The following ATP10B variants were observed in gnomAD, a reference collection of about 807,000 sequenced individuals.
ATP10B encodes ATPase phospholipid transporting 10B (putative).
Under a neutral mutation model 141.2 loss-of-function variants are expected in ATP10B, and 122 were observed. The observed-to-expected ratio is 0.86, with a 90% CI of 0.75 to 1.00. The LOEUF (loss-of-function observed/expected upper bound fraction) is 1.00, where lower values mean the gene tolerates loss of function less well. Ranked by LOEUF, ATP10B falls within the 50% of genes least tolerant of loss-of-function variation. The pLI, the probability that ATP10B is intolerant of heterozygous loss-of-function variation, is 0.00. For synonymous variants in ATP10B, 685 were observed against 692.0 expected (o/e 0.99, Z 0.16); for missense variants, 1,876 against 1,825.3 (o/e 1.03, Z -0.51).
chr5:160,632,012 G>A (rs778523071), intron 13 of ATP10B, 117 bp downstream of exon 13: 81 of 874,588 alleles, frequency 9.3e-5, no homozygotes, highest in Non-Finnish European at 1.3e-4. Context: ...CAAAACCAAG[G>A]GCACCATTTT....
At chr5:160,845,586 GTTT>G (rs1461461263) in intron 1 of ATP10B, among the ~76,000 whole-genome samples, 1 of 152,016 alleles carries the variant, frequency 6.6e-6, no homozygotes. Context: ...TGAACAAAAA[GTTT>G]TTTTAAAAAA....
At chr5:160,570,904 A>G (rs1754836688) in intron 24 of ATP10B, among the ~76,000 whole-genome samples, 1 of 152,184 alleles carries the variant, frequency 6.6e-6, no homozygotes, top group African/African-American at 2.4e-5. Context: ...ATGGCATTCC[A>G]CTGTCTTCTG....
At position 160,637,013 on chromosome 5, in the gene ATP10B, C is replaced by T. The variant is rs1197376250; in HGVS notation, c.1001-704G>A. Among the ~76,000 whole-genome samples, 7 of 75,784 alleles carry T rather than the reference C, an allele frequency of 9.2e-5. No homozygotes were observed. The East Asian group carries it at 2.8e-3, about 30-fold the overall frequency. The allele number at this position is 75,784 out of a possible 152,430, so 49.7% of individuals were successfully genotyped here. ...CCACCCACCCATCCATCAATCCATCCATCTATCCATCCATCCATCCATCCA... is the reference window on the plus strand; with the variant it reads ...CCACCCACCCATCCATCAATCCATCTATCTATCCATCCATCCATCCATCCA... On this transcript the variant is annotated intron_variant, in intron 10 of 25. Coordinates refer to ENST00000327245, the MANE Select transcript of ATP10B (RefSeq NM_025153.3).
At chr5:160,787,124 A>ACACCC (rs556039954) in intron 1 of ATP10B, among the ~76,000 whole-genome samples, 10 of 148,294 alleles carry the variant, frequency 6.7e-5, no homozygotes, top group Admixed American at 2.7e-4. Flanking sequence ...ACACACACAC[A>ACACCC]CACACACACA....
chr5:160,904,186 CT>C, the ATP10B span, among the ~76,000 whole-genome samples: 1 of 151,924 alleles, frequency 6.6e-6, no homozygotes, highest in African/African-American at 2.4e-5. Flanking sequence ...TTAAAGGGGG[CT>C]TACATTCAGA....
intron 1 of ATP10B, among the ~76,000 whole-genome samples, chr5:160,818,768 G>C (rs1340417342): frequency 6.6e-6 from 1 of 152,298 alleles, no homozygotes; most frequent in Non-Finnish European, 1.5e-5. Context: ...AACAATGATA[G>C]ACTGGATTAA....
intron 3 of ATP10B, among the ~76,000 whole-genome samples, chr5:160,708,095 T>C (rs1765124672): frequency 6.6e-6 from 1 of 152,190 alleles, no homozygotes; most frequent in Non-Finnish European, 1.5e-5. Context: ...TTGCTTTTTA[T>C]ATGCCCGTCT....
chr5:160,687,664 C>T, intron 5 of ATP10B, 136 bp downstream of exon 5: 1 of 1,036,564 alleles, frequency 9.6e-7, no homozygotes, highest in Non-Finnish European at 1.4e-6. Flanking sequence ...ATTTGGGAGG[C>T]TGAGGTGGGA....
In ATP10B at chr5:160,604,028, A is replaced by G. The variant is rs1182233213; in HGVS notation, c.3174T>C (p.Asn1058=). The G allele has an allele frequency of 6.8e-6, 11 of 1,613,678 alleles. No individual in the cohort carries two copies. Among genetic ancestry groups the G allele is most frequent in the Non-Finnish European group, 9.3e-6 (11 of 1,179,878 alleles). ...CAGCAGCTTGAATCATGCTTACATC[A>G]TTTGCTCCATCACCTGAAAGAGAGG... The part of the protein sequence containing the change: ...VMTLSIGDGA[N]DVSMIQAADI... The change falls in exon 20 of 26, where the codon AAT becomes AAC. Residue 1058 remains asparagine (N), a synonymous_variant. Coordinates refer to ENST00000327245, the MANE Select transcript of ATP10B (RefSeq NM_025153.3).
intron 2 of ATP10B, among the ~76,000 whole-genome samples, chr5:160,770,801 G>T (rs1305411189): frequency 2.0e-5 from 3 of 152,166 alleles, no homozygotes; most frequent in Non-Finnish European, 2.9e-5. Context: ...TGGTAAAATA[G>T]TTGATCTAAA....
At chr5:160,926,983 T>C in the ATP10B span, among the ~76,000 whole-genome samples, 31 of 152,358 alleles carry the variant, frequency 2.0e-4, no homozygotes, top group African/African-American at 6.3e-4. Flanking sequence ...CTAAGTGCTT[T>C]GCAAAGGGCT....
At chr5:160,917,268 TC>T in the ATP10B span, among the ~76,000 whole-genome samples, 3 of 110,042 alleles carry the variant, frequency 2.7e-5, no homozygotes, top group African/African-American at 8.2e-5. Flanking sequence ...CTAGGGTACT[TC>T]TTTTTTTTTT....
chr5:160,688,243 C>T, intron 4 of ATP10B, 149 bp from the exon 5 acceptor site: 2 of 785,858 alleles, frequency 2.5e-6, no homozygotes, highest in Non-Finnish European at 3.9e-6. Flanking sequence ...GTCACTAGAT[C>T]CTGACCATTT....
intron 1 of ATP10B, among the ~76,000 whole-genome samples, chr5:160,818,147 A>G (rs1773812920): frequency 6.6e-6 from 1 of 152,198 alleles, no homozygotes; most frequent in Admixed American, 6.5e-5. Context: ...AAATTGACAA[A>G]TGGGATCTAA....
At chr5:160,611,351 TCTC>T (rs1465722502) in intron 18 of ATP10B, among the ~76,000 whole-genome samples, 2 of 152,250 alleles carry the variant, frequency 1.3e-5, no homozygotes, top group South Asian at 4.1e-4. Flanking sequence ...TTGCAGATGT[TCTC>T]CTTCTAGAAT....
intron 1 of ATP10B, among the ~76,000 whole-genome samples, chr5:160,801,673 G>A (rs544811597): frequency 3.3e-5 from 5 of 152,168 alleles, no homozygotes; most frequent in African/African-American, 7.2e-5. Context: ...AGGTAAAGAC[G>A]ACAGGAGTTC....
rs201711487 is a variant in ATP10B, at chr5:160,565,622, T to G, written c.4217A>C (p.Glu1406Ala). Residue 1406 changes from glutamate to alanine, a missense_variant, in exon 26 of 26, where the codon GAG becomes GCG. Glu to Ala is a moderately radical substitution (Grantham distance 107). Coordinates refer to ENST00000327245, the MANE Select transcript of ATP10B (RefSeq NM_025153.3). ...SVLHEQRCGT[E>A]CMRDDSCSGD... ...TGAGCATGAGTCATCCCTCATGCAC[T>G]CCGTGCCACATCTCTGTTCGTGGAG... 1 of 1,614,116 alleles carries G rather than the reference T, an allele frequency of 6.2e-7. No individual in the cohort carries two copies. Among genetic ancestry groups the G allele is most frequent in the African/African-American group, 1.3e-5 (1 of 75,050 alleles).
At chr5:160,834,537 C>T (rs1234378214) in intron 1 of ATP10B, among the ~76,000 whole-genome samples, 1 of 151,898 alleles carries the variant, frequency 6.6e-6, no homozygotes, top group Admixed American at 6.6e-5. Flanking sequence ...TTTTTCAGGG[C>T]AACATTCTTT....
chr5:160,830,456 T>C (rs888656041), intron 1 of ATP10B, among the ~76,000 whole-genome samples: 23 of 152,226 alleles, frequency 1.5e-4, no homozygotes, highest in African/African-American at 5.3e-4. Flanking sequence ...CAAATTGTAA[T>C]AGTGACACCA....
Sources: allele counts gnomAD v4.1 joint callset (sites outside exome capture counted in the v4.1 genomes callset), GRCh38; gene constraint gnomAD v4.1.1; transcripts MANE v1.5; gene names NCBI Gene and HGNC (gene_info 2026-07-23, HGNC 2026-07-21).